The following DCDC2C variants were observed in gnomAD, a reference collection of about 807,000 sequenced individuals.
The protein encoded by DCDC2C is doublecortin domain-containing protein 2C.
DCDC2C carries 44 observed loss-of-function variants against 45.0 expected under a neutral mutation model. The ratio of observed to expected loss-of-function variants is 0.98; its 90% CI spans 0.77 to 1.26. The LOEUF (loss-of-function observed/expected upper bound fraction) is 1.26. DCDC2C is among the 50% of genes most tolerant of loss of function. The pLI is 0.00. For synonymous variants in DCDC2C, 187 were observed against 178.8 expected (o/e 1.05, Z -0.37); for missense variants, 447 against 468.9 (o/e 0.95, Z 0.43).
At chr2:3,830,746 GT>G (rs967633425) in intron 10 of DCDC2C, among the ~76,000 whole-genome samples, 1 of 152,204 alleles carries the variant, frequency 6.6e-6, no homozygotes, top group African/African-American at 2.4e-5. Context: ...GTGGGTGGTT[GT>G]TTGAACTCTG....
chr2:3,742,205 A>T lies in DCDC2C; in HGVS notation c.545+157A>T, dbSNP rs554163777. Among the ~76,000 whole-genome samples, 5 of 152,316 alleles carry T rather than the reference A, an allele frequency of 3.3e-5. No individual in the cohort carries two copies. The East Asian group carries it at 9.6e-4, about 29-fold the overall frequency. ...CAGATAGTATTTTCTCAGTCTTGGTATTACACTTACTTTTAACTGGCCTCA... is the reference window on the plus strand; with the variant it reads ...CAGATAGTATTTTCTCAGTCTTGGTTTTACACTTACTTTTAACTGGCCTCA... On this transcript the variant is annotated intron_variant, in intron 4 of 10. Transcript: ENST00000399143.
intron 1 of DCDC2C, chr2:3,704,275 GC>G (rs1667974162): frequency 2.6e-6 from 1 of 384,426 alleles, no homozygotes; most frequent in African/African-American, 2.1e-5. Flanking sequence ...GGCAGGGCGG[GC>G]CCTGGCCGGC....
intron 10 of DCDC2C, among the ~76,000 whole-genome samples, chr2:3,790,616 C>T (rs750975912): frequency 5.9e-5 from 9 of 152,136 alleles, no homozygotes; most frequent in Non-Finnish European, 1.0e-4. Context: ...TAAAATTAAT[C>T]GCCTGCCCAG....
At chr2:3,715,739 T>C (rs1668335342) in intron 2 of DCDC2C, among the ~76,000 whole-genome samples, 1 of 152,230 alleles carries the variant, frequency 6.6e-6, no homozygotes, top group Non-Finnish European at 1.5e-5. Context: ...CACTAAATAC[T>C]TCTTGAGCAC....
chr2:3,733,610 T>C (rs1054151138), intron 3 of DCDC2C, among the ~76,000 whole-genome samples: 1 of 152,222 alleles, frequency 6.6e-6, no homozygotes, highest in African/African-American at 2.4e-5. Context: ...GTTTGGTGTC[T>C]GGCGAGGGGT....
At chr2:3,846,605 A>G (rs1394995637) in intron 10 of DCDC2C, among the ~76,000 whole-genome samples, 3 of 152,214 alleles carry the variant, frequency 2.0e-5, no homozygotes, top group Non-Finnish European at 4.4e-5. Context: ...TACTTAATGG[A>G]TACATAATTT....
chr2:3,828,912 G>A (rs1407860248), intron 10 of DCDC2C, among the ~76,000 whole-genome samples: 2 of 152,082 alleles, frequency 1.3e-5, no homozygotes, highest in Non-Finnish European at 2.9e-5. Flanking sequence ...TTACTCACTG[G>A]AAATCATTTT....
chr2:3,766,171 G>C (rs954465374), intron 6 of DCDC2C, among the ~76,000 whole-genome samples: 19 of 152,082 alleles, frequency 1.2e-4, no homozygotes, highest in African/African-American at 4.6e-4. Flanking sequence ...GTTCTCATTT[G>C]CTGTGTATTC....
At chr2:3,824,245 A>G (rs1471804820) in intron 10 of DCDC2C, among the ~76,000 whole-genome samples, 2 of 146,304 alleles carry the variant, frequency 1.4e-5, no homozygotes, top group Non-Finnish European at 3.0e-5. Flanking sequence ...CTTTTGGTTA[A>G]AAGCTTGATA....
rs747174227 is a variant in DCDC2C at position 3,734,878 on chromosome 2, G to A, written c.417-7042G>A. Among the ~76,000 whole-genome samples the A allele has an allele frequency of 2.0e-5, 3 of 152,186 alleles. No individual in the cohort carries two copies. Among genetic ancestry groups the A allele is most frequent in the Non-Finnish European group, 4.4e-5 (3 of 68,024 alleles). ...AAAGTACAGAGCCCTTCAGGTTCAT[G>A]AAAGTGTCTTTAGATAGGGGGTTCC... On this transcript the variant is annotated intron_variant, in intron 3 of 10. Transcript: ENST00000399143. The surrounding 1 kb of genome is among the most constrained non-coding windows in gnomAD (Gnocchi z 4.2).
intron 2 of DCDC2C, among the ~76,000 whole-genome samples, chr2:3,708,950 T>A (rs1668137697): frequency 6.6e-6 from 1 of 152,234 alleles, no homozygotes; most frequent in Admixed American, 6.5e-5. Flanking sequence ...TGAAGCTAAT[T>A]ATAATGCTAA....
intron 10 of DCDC2C, among the ~76,000 whole-genome samples, chr2:3,798,265 T>C (rs1671016932): frequency 1.3e-5 from 2 of 152,084 alleles, no homozygotes; most frequent in African/African-American, 4.8e-5. Context: ...TATGTGTGTC[T>C]CTGCACGTGA....
rs114747324 is a variant in DCDC2C at position 3,840,800 on chromosome 2, C to T, written c.1066-6354C>T. Among the ~76,000 whole-genome samples the T allele has an allele frequency of 5.4e-3, 830 of 152,308 alleles. 9 individuals are homozygous for T. The highest frequency in any genetic ancestry group is 0.019 in the African/African-American group (772 of 41,570). The stretch of plus-strand genomic sequence containing the variant: ...GGAGACCTCTGTGTGATGTAGGGCA[C>T]GGTGCGGGTGGCCGCTCTGCGAGTT... On this transcript the variant is annotated intron_variant, in intron 10 of 10. Coordinates refer to ENST00000399143, the MANE Select transcript of DCDC2C (RefSeq NM_001287444.2).
intron 3 of DCDC2C, among the ~76,000 whole-genome samples, chr2:3,735,352 G>A (rs2148093242): frequency 6.6e-6 from 1 of 151,950 alleles, no homozygotes; most frequent in East Asian, 1.9e-4. Context: ...CCATGTTGGT[G>A]TGCTGCACCC....
intron 10 of DCDC2C, among the ~76,000 whole-genome samples, chr2:3,803,200 C>G (rs576850157): frequency 6.6e-6 from 1 of 152,344 alleles, no homozygotes; most frequent in East Asian, 1.9e-4. Flanking sequence ...AATCTTTCAC[C>G]TTTAATGGTT....
chr2:3,824,506 C>A (rs1671770799), intron 10 of DCDC2C, among the ~76,000 whole-genome samples: 1 of 152,168 alleles, frequency 6.6e-6, no homozygotes, highest in Admixed American at 6.5e-5. Flanking sequence ...AATGTGCATA[C>A]CTCCTTTTCT....
intron 6 of DCDC2C, among the ~76,000 whole-genome samples, chr2:3,766,291 C>T (rs1450384437): frequency 6.7e-6 from 1 of 149,844 alleles, no homozygotes; most frequent in African/African-American, 2.5e-5. Context: ...CACACTCATA[C>T]ATACACATAC....
chr2:3,802,743 C>T (rs1671144449), intron 10 of DCDC2C, among the ~76,000 whole-genome samples: 1 of 152,184 alleles, frequency 6.6e-6, no homozygotes. Context: ...AGGATTTCAA[C>T]ACATAAATTT....
chr2:3,815,183 C>T (rs1303618031), intron 10 of DCDC2C, among the ~76,000 whole-genome samples: 1 of 152,234 alleles, frequency 6.6e-6, no homozygotes, highest in Non-Finnish European at 1.5e-5. Flanking sequence ...CAAGTGGGAT[C>T]TTCTGATCTG....
Sources: gnomAD v4.1 joint callset for allele counts (sites outside exome capture counted in the v4.1 genomes callset) on GRCh38, gnomAD v4.1.1 for gene constraint, Gnocchi (gnomAD v3.1) non-coding constraint, MANE v1.5 for transcripts, NCBI Gene and HGNC (gene_info 2026-07-23, HGNC 2026-07-21) for gene names.